Variants in CACNA1A observed in about 807,000 individuals in gnomAD.
CACNA1A encodes calcium voltage-gated channel subunit alpha1 A.
In CACNA1A, 57 loss-of-function variants were observed where a neutral mutation model predicts 262.4. That is an observed-to-expected ratio of 0.22 (90% CI 0.18 to 0.27). The LOEUF (loss-of-function observed/expected upper bound fraction) is 0.27. Among genes scored for constraint, CACNA1A ranks in the 10% least tolerant of loss-of-function variants. CACNA1A has a pLI of 1.00. For synonymous variants in CACNA1A, 1,431 were observed against 1,419.3 expected, an observed-to-expected ratio of 1.01 and a Z score of -0.18; for missense variants, 2,526 against 3,562.8, an observed-to-expected ratio of 0.71 and a Z score of 7.41.
chr19:13,311,288 G>T (rs375254811), intron 12 of CACNA1A, among the ~76,000 whole-genome samples: 1 of 152,228 alleles, frequency 6.6e-6, no homozygotes. Context: ...ACAGGGTCTT[G>T]CTATGTTGCC....
intron 19 of CACNA1A, among the ~76,000 whole-genome samples, chr19:13,288,415 T>C (rs1270886266): frequency 6.6e-6 from 1 of 152,008 alleles, no homozygotes; most frequent in Non-Finnish European, 1.5e-5. Context: ...AGTTTTTCTA[T>C]TTTCAGTAGA....
chr19:13,359,543 G>A (rs1027206696), intron 6 of CACNA1A, 63 bp downstream of exon 6: 1 of 1,331,934 alleles, frequency 7.5e-7, no homozygotes, highest in Admixed American at 1.9e-5. Flanking sequence ...AGTCTCACTG[G>A]TCCCAGGAGG....
chr19:13,281,573 C>T (rs1397077670), intron 22 of CACNA1A, among the ~76,000 whole-genome samples: 2 of 151,800 alleles, frequency 1.3e-5, no homozygotes, highest in Admixed American at 6.6e-5. Context: ...ACATCCCTGG[C>T]CTCCACCCAC....
rs141500101 is a variant in CACNA1A at position 13,366,987 on chromosome 19, A to G, written c.632-1518T>C. Among the ~76,000 whole-genome samples the G allele has an allele frequency of 3.1e-3, 476 of 152,228 alleles. 2 individuals are homozygous for G. The highest frequency in any genetic ancestry group is 0.011 in the African/African-American group (453 of 41,528). ...AGAGATGCTGTGATTCACCCAGAGA[A>G]TGCATGAGAAATGGCAGAACTAGGC... On this transcript the variant is annotated intron_variant, in intron 4 of 46. Coordinates refer to ENST00000360228, the MANE Select transcript of CACNA1A (RefSeq NM_001127222.2).
intron 22 of CACNA1A, among the ~76,000 whole-genome samples, chr19:13,282,038 C>T (rs1350485483): frequency 1.3e-5 from 2 of 152,250 alleles, no homozygotes; most frequent in Non-Finnish European, 2.9e-5. Flanking sequence ...CTGGAGGCCC[C>T]TGGGGGAAAC....
intron 3 of CACNA1A, among the ~76,000 whole-genome samples, chr19:13,438,454 G>A (rs7253138): frequency 0.13 from 19,262 of 152,222 alleles, 1,549 homozygotes; most frequent in East Asian, 0.26. Context: ...GCTCAGGCTA[G>A]CCTGCTGGAG....
At chr19:13,468,624 T>C (rs891015958) in intron 1 of CACNA1A, among the ~76,000 whole-genome samples, 6 of 152,142 alleles carry the variant, frequency 3.9e-5, no homozygotes, top group Admixed American at 3.9e-4. Context: ...CTGTCTCCAC[T>C]AAAAATACAA....
At chr19:13,346,646 ATATATATATATATATATATATTTTTTTT>A (rs1361471079) in intron 6 of CACNA1A, among the ~76,000 whole-genome samples, 190 of 5,772 alleles carry the variant, frequency 0.033, 3 homozygotes, top group South Asian at 0.13. Flanking sequence ...ATATATATAT[ATATATATATATATATATATATTTTTTTT>A]TTTTTTTTTT....
At position 13,208,818 on chromosome 19, in the gene CACNA1A, C is replaced by A. The variant is rs1345390243; in HGVS notation, c.6718G>T (p.Ala2240Ser). 6.5e-7 allele frequency: 1 copy of A among 1,547,966 alleles called. No individual in the cohort carries two copies. Among genetic ancestry groups the A allele is most frequent in the South Asian group, 1.2e-5 (1 of 85,528 alleles). The change falls in exon 46 of 47, where the codon GCT (alanine) becomes TCT (serine). Residue 2240 changes from alanine to serine, a missense_variant. Physicochemically the swap from Ala to Ser is moderately conservative, Grantham distance 99 (BLOSUM62 1). Transcript: ENST00000360228. ...QERPDHGRAR[A>S]RDQRWSRSPS... ...GAGCGGGACCAGCGCTGGTCCCGAG[C>A]CCGTGCCCGGCCGTGGTCCGGCCGT...
rs1470060354 is a variant in CACNA1A, at chr19:13,335,818, C to T, written c.1070G>A (p.Gly357Asp). 1 of 1,607,846 alleles carries T rather than the reference C, an allele frequency of 6.2e-7. No individual in the cohort carries two copies. Among genetic ancestry groups the T allele is most frequent in the Non-Finnish European group, 8.5e-7 (1 of 1,176,606 alleles). ...AGCAGAAACTTACCCTGACAGCACA[C>T]CCAGCACAAGGTTCAGCATAAAAAA... is the stretch of plus-strand genomic sequence containing the variant. The part of the protein sequence containing the change: ...GSFFMLNLVL[G>D]VLSGEFAKER... The change falls in exon 7 of 47, where the codon GGT (glycine) becomes GAT (aspartate). Residue 357 changes from glycine to aspartate, a missense_variant. This residue lies in a region of CACNA1A where 5 missense variants were observed against 52.7 expected (regional missense o/e 0.09). Transcript: ENST00000360228.
intron 6 of CACNA1A, among the ~76,000 whole-genome samples, chr19:13,358,810 A>G (rs1203597156): frequency 6.6e-6 from 1 of 152,232 alleles, no homozygotes; most frequent in East Asian, 1.9e-4. Flanking sequence ...TACTTTGCAA[A>G]TATACCTTCC....
chr19:13,277,181 G>A (rs1337532872), intron 22 of CACNA1A, 53 bp from the exon 23 acceptor site: 2 of 1,329,358 alleles, frequency 1.5e-6, no homozygotes, highest in East Asian at 2.3e-5. Context: ...TTCCAGCAGA[G>A]CCCCGGTAAA....
chr19:13,464,791 G>A (rs577654872), intron 1 of CACNA1A, among the ~76,000 whole-genome samples: 13 of 151,782 alleles, frequency 8.6e-5, no homozygotes, highest in South Asian at 4.2e-4. Context: ...CTTGTGATCT[G>A]CCCACCTTGG....
intron 15 of CACNA1A, 47 bp from the exon 16 acceptor site, chr19:13,303,931 G>A (rs374569204): frequency 2.2e-5 from 30 of 1,357,038 alleles, no homozygotes; most frequent in African/African-American, 4.3e-5. Context: ...TCTCAGCCAC[G>A]GGCCCCTTGG....
chr19:13,303,325 C>A (rs1482884746), intron 17 of CACNA1A, among the ~76,000 whole-genome samples: 2 of 152,150 alleles, frequency 1.3e-5, no homozygotes, highest in Non-Finnish European at 2.9e-5. Flanking sequence ...CTGCCTTCCC[C>A]CTTCCCACCC....
rs2054695798 is a variant in CACNA1A at position 13,209,008 on chromosome 19, G to A, written c.6528C>T (p.Gly2176=). The A allele has an allele frequency of 4.6e-6, 7 of 1,537,114 alleles. No homozygotes were observed. Among genetic ancestry groups the A allele is most frequent in the Middle Eastern group, 1.7e-4 (1 of 5,990 alleles). ...TGGTCATGCTCAGGTCTGTCCCCAAGCCTGGGCCGGGTGAGGGTCAGACAG... is the reference window on the plus strand; with the variant it reads ...TGGTCATGCTCAGGTCTGTCCCCAAACCTGGGCCGGGTGAGGGTCAGACAG... The part of the protein sequence containing the change: ...SLGRYTDVDT[G]LGTDLSMTTQ... Residue 2176 remains glycine (G), a splice_region_variant and synonymous_variant, in exon 46 of 47, where the codon GGC becomes GGT. Coordinates refer to ENST00000360228, the MANE Select transcript of CACNA1A (RefSeq NM_001127222.2).
At chr19:13,331,885 C>A (rs1396681997) in intron 9 of CACNA1A, among the ~76,000 whole-genome samples, 2 of 152,118 alleles carry the variant, frequency 1.3e-5, no homozygotes, top group Admixed American at 1.3e-4. Context: ...GTCTTGAACT[C>A]CCAGGCTCAA....
intron 3 of CACNA1A, among the ~76,000 whole-genome samples, chr19:13,414,193 G>A (rs537721426): frequency 6.6e-6 from 1 of 152,056 alleles, no homozygotes; most frequent in East Asian, 1.9e-4. Context: ...GGGAGTTTGA[G>A]ACCAGCCTGG....
rs1310674196 is a variant in CACNA1A at position 13,207,968 on chromosome 19, G to A, written c.6866C>T (p.Thr2289Ile). Residue 2289 changes from threonine (T) to isoleucine (I), a missense_variant, in exon 47 of 47, where the codon ACC becomes ATC. Around this residue, in one of 17 missense-constraint regions of CACNA1A, gnomAD observed 929 missense variants for 868.1 expected, o/e 1.07. Transcript: ENST00000360228. This position sits in a 1 kb window ranked among gnomAD's most constrained non-coding sequence, Gnocchi z 5.7. ...PRRGRRQLPQTPSTPRPHVSY... is the reference protein window; with the variant it reads ...PRRGRRQLPQIPSTPRPHVSY... ...CACGTGTGGCCGGGGGGTGGAGGGG[G>A]TCTGGGGGAGCTGGCGGCGGCCCCG... 2 of 1,329,964 alleles carry A rather than the reference G, an allele frequency of 1.5e-6. No homozygotes were observed. The highest frequency in any genetic ancestry group is 9.6e-7 in the Non-Finnish European group (1 of 1,041,740). 82.4% of individuals were successfully genotyped at this position (1,329,964 alleles called of 1,614,324 possible).
Sources: gnomAD v4.1 joint callset for allele counts (sites outside exome capture counted in the v4.1 genomes callset) on GRCh38, gnomAD v4.1.1 for gene constraint, gnomAD v4.1.1 regional missense constraint, Gnocchi (gnomAD v3.1) non-coding constraint, MANE v1.5 for transcripts, NCBI Gene and HGNC (gene_info 2026-07-23, HGNC 2026-07-21) for gene names.